DHRS7B: variants seen among roughly 807,000 people sequenced by gnomAD.
The protein encoded by DHRS7B is dehydrogenase/reductase 7B.
Under a neutral mutation model 26.4 loss-of-function variants are expected in DHRS7B, and 24 were observed. That is an observed-to-expected ratio of 0.91 (90% confidence interval 0.66 to 1.28). The LOEUF (loss-of-function observed/expected upper bound fraction) is 1.28. Among genes scored for constraint, DHRS7B ranks in the 50% most tolerant of loss-of-function variants. DHRS7B has a pLI of 0.00. For missense variants in DHRS7B, 368 were observed against 419.4 expected, an observed-to-expected ratio of 0.88 and a Z score of 1.07; for synonymous variants, 142 against 166.4, an observed-to-expected ratio of 0.85 and a Z score of 1.13.
chr17:21,136,087 T>A (rs1396724263), intron 1 of DHRS7B, among the ~76,000 whole-genome samples: 1 of 151,974 alleles, frequency 6.6e-6, no homozygotes, highest in African/African-American at 2.4e-5. Context: ...TCACCTGAGG[T>A]CAGGAGTTCG....
chr17:21,176,688 T>C (rs1033088544), intron 2 of DHRS7B, among the ~76,000 whole-genome samples: 6 of 151,922 alleles, frequency 3.9e-5, no homozygotes, highest in African/African-American at 1.4e-4. Context: ...GGTAAGAGAT[T>C]ACCTACCTTA....
intron 3 of DHRS7B, among the ~76,000 whole-genome samples, chr17:21,182,534 C>A (rs1396843620): frequency 6.6e-6 from 1 of 152,104 alleles, no homozygotes; most frequent in African/African-American, 2.4e-5. Context: ...TAGGCATGAG[C>A]CACTGCCCCC....
chr17:21,187,829 TTTTATTTATTTA>T lies in DHRS7B; in HGVS notation c.620-858_620-847del, dbSNP rs147783016. Reference sequence around the variant, plus strand: ...TCATTCAGTTTTTTTTGTTTTTAACTTTTATTTATTTATTTATTTATTTATTTATTTATTTTT... The same window carrying T: ...TCATTCAGTTTTTTTTGTTTTTAACTTTTATTTATTTATTTATTTATTTTT... On this transcript the variant is annotated intron_variant, in intron 5 of 6. Transcript: ENST00000395511. 1.8e-3 allele frequency among the ~76,000 whole-genome samples: 256 copies of T among 145,794 alleles called. 1 individual carries two copies. The highest frequency in any genetic ancestry group is 2.5e-3 in the Non-Finnish European group (168 of 66,642).
At chr17:21,133,795 T>TG (rs1034564527) in intron 1 of DHRS7B, among the ~76,000 whole-genome samples, 5 of 151,558 alleles carry the variant, frequency 3.3e-5, no homozygotes, top group African/African-American at 7.3e-5. Flanking sequence ...GAAGAGAAAA[T>TG]GGGGGGAGGA....
At chr17:21,174,383 C>T (rs1486904944) in intron 2 of DHRS7B, among the ~76,000 whole-genome samples, 1 of 152,244 alleles carries the variant, frequency 6.6e-6, no homozygotes, top group East Asian at 1.9e-4. Context: ...TCTCCTTCCT[C>T]CAGCTTTAGC....
At chr17:21,190,876 A>C in intron 6 of DHRS7B, 72 bp from the exon 7 acceptor site, 1 of 1,529,312 alleles carries the variant, frequency 6.5e-7, no homozygotes, top group South Asian at 1.2e-5. Flanking sequence ...CTGACGACTC[A>C]CATCAGCTCC....
intron 2 of DHRS7B, among the ~76,000 whole-genome samples, chr17:21,176,898 A>G (rs1974391319): frequency 2.0e-5 from 3 of 152,030 alleles, no homozygotes; most frequent in Non-Finnish European, 4.4e-5. Flanking sequence ...CATAAGCTGT[A>G]TGTACATTTT....
intron 1 of DHRS7B, among the ~76,000 whole-genome samples, chr17:21,140,538 A>AGACACACACACACACACACACACACC (rs1973482099): frequency 7.4e-6 from 1 of 134,754 alleles, no homozygotes; most frequent in Admixed American, 7.8e-5. Flanking sequence ...ACACACACAC[A>AGACACACACACACACACACACACACC]CCCTGACACC....
intron 1 of DHRS7B, among the ~76,000 whole-genome samples, chr17:21,158,250 A>G (rs1012234730): frequency 1.3e-5 from 2 of 152,224 alleles, no homozygotes; most frequent in Admixed American, 6.5e-5. Flanking sequence ...ATATTGAATC[A>G]TTACTGTTTT....
Position 21,188,802 on chromosome 17 carries a change from C to T in DHRS7B, c.711C>T (p.Pro237=), listed in dbSNP as rs1974709171. ...QYEIEVTVIS[P]GYIHTNLSVN... ...AAATTGAGGTGACCGTCATCAGCCC[C>T]GGCTACATCCACACCAACCTCTCTG... Residue 237 remains proline (P), a synonymous_variant, in exon 6 of 7, where the codon CCC becomes CCT. Coordinates refer to ENST00000395511, the MANE Select transcript of DHRS7B (RefSeq NM_015510.5). 1.2e-6 allele frequency: 2 copies of T among 1,614,168 alleles called. No homozygotes were observed. Among genetic ancestry groups the T allele is most frequent in the Non-Finnish European group, 1.7e-6 (2 of 1,180,044 alleles).
chr17:21,185,935 A>C (rs960772525), intron 5 of DHRS7B, among the ~76,000 whole-genome samples: 2 of 152,116 alleles, frequency 1.3e-5, no homozygotes, highest in Non-Finnish European at 2.9e-5. Context: ...TGATCCGCCC[A>C]CCTCAGCCTC....
chr17:21,172,621 A>G (rs1974285579), intron 2 of DHRS7B, among the ~76,000 whole-genome samples: 1 of 152,222 alleles, frequency 6.6e-6, no homozygotes, highest in South Asian at 2.1e-4. Context: ...TCCTAGATTC[A>G]GCCGGGGCCT....
chr17:21,132,348 A>T (rs138303365), intron 1 of DHRS7B, among the ~76,000 whole-genome samples: 31,263 of 124,692 alleles, frequency 0.25, 3,580 homozygotes, highest in Admixed American at 0.34. Context: ...AAAAAAAAAA[A>T]ATATATATAT....
chr17:21,163,148 A>G (rs1974034845), intron 1 of DHRS7B, among the ~76,000 whole-genome samples: 1 of 151,868 alleles, frequency 6.6e-6, no homozygotes, highest in African/African-American at 2.4e-5. Flanking sequence ...GTGAACCGAG[A>G]TCGCGCCACT....
intron 5 of DHRS7B, 70 bp from the exon 6 acceptor site, chr17:21,188,641 G>C: frequency 6.8e-7 from 1 of 1,474,014 alleles, no homozygotes; most frequent in East Asian, 2.3e-5. Context: ...GAATGGTAGT[G>C]AATAGTTGGG....
intron 2 of DHRS7B, among the ~76,000 whole-genome samples, chr17:21,177,787 C>G (rs1446630917): frequency 6.6e-6 from 1 of 152,242 alleles, no homozygotes; most frequent in Non-Finnish European, 1.5e-5. Flanking sequence ...TTCTACAGGA[C>G]TGTGTGAGTA....
At chr17:21,173,721 T>C (rs1974311864) in intron 2 of DHRS7B, among the ~76,000 whole-genome samples, 1 of 152,208 alleles carries the variant, frequency 6.6e-6, no homozygotes, top group Admixed American at 6.5e-5. Flanking sequence ...GGGACAGCTG[T>C]CTGCAGGCCC....
chr17:21,129,265 A>T (rs1973174277), intron 1 of DHRS7B, among the ~76,000 whole-genome samples: 1 of 152,174 alleles, frequency 6.6e-6, no homozygotes, highest in Non-Finnish European at 1.5e-5. Flanking sequence ...AAATGAGGAG[A>T]GACAGGGAAG....
At chr17:21,146,759 G>A (rs1973651860) in intron 1 of DHRS7B, among the ~76,000 whole-genome samples, 2 of 152,194 alleles carry the variant, frequency 1.3e-5, no homozygotes, top group Admixed American at 6.5e-5. Flanking sequence ...GAAACAAAAT[G>A]TGGTTTCTTA....
Sources: gnomAD v4.1 joint callset for allele counts (sites outside exome capture counted in the v4.1 genomes callset) on GRCh38, gnomAD v4.1.1 for gene constraint, MANE v1.5 for transcripts, NCBI Gene and HGNC (gene_info 2026-07-23, HGNC 2026-07-21) for gene names.